The following BANF2 variants were observed in gnomAD, a reference collection of about 807,000 sequenced individuals.
BANF2 encodes barrier-to-autointegration factor-like protein.
A neutral mutation model predicts 8.0 loss-of-function variants in BANF2; 4 were observed. That is an observed-to-expected ratio of 0.50 (90% CI 0.25 to 1.14). The LOEUF is 1.14. Ranked by LOEUF, BANF2 falls within the 50% of genes most tolerant of loss-of-function variation. BANF2 has a pLI of 0.16. For synonymous variants in BANF2, 50 were observed against 40.6 expected (o/e 1.23, Z -0.88); for missense variants, 96 against 107.5 (o/e 0.89, Z 0.47).
intron 1 of BANF2, among the ~76,000 whole-genome samples, chr20:17,718,126 T>A (rs1456638301): frequency 6.6e-6 from 1 of 152,206 alleles, no homozygotes; most frequent in East Asian, 1.9e-4. Flanking sequence ...AAATATTGCA[T>A]TTTTCCCATT....
intron 1 of BANF2, among the ~76,000 whole-genome samples, chr20:17,719,484 A>T (rs1023153403): frequency 6.6e-6 from 1 of 151,736 alleles, no homozygotes; most frequent in Non-Finnish European, 1.5e-5. Context: ...TGGTTTTCTT[A>T]TGGGAGAAAT....
intron 1 of BANF2, among the ~76,000 whole-genome samples, chr20:17,715,166 G>A (rs1052514720): frequency 2.6e-5 from 4 of 152,178 alleles, no homozygotes; most frequent in African/African-American, 9.7e-5. Flanking sequence ...GGAGTTAACA[G>A]GAACCTCCAG....
chr20:17,696,443 A>C (rs2037346688), upstream of BANF2, among the ~76,000 whole-genome samples: 1 of 152,206 alleles, frequency 6.6e-6, no homozygotes, highest in East Asian at 1.9e-4. Context: ...ATTATGTGAG[A>C]GTTCCAGTTG....
rs190136673 is a variant in BANF2, at chr20:17,735,271, C to G, written c.127-394C>G. On this transcript the variant is annotated intron_variant, in intron 3 of 3. Coordinates refer to ENST00000246090, the MANE Select transcript of BANF2 (RefSeq NM_178477.5). ...GGAGCTTCAGGAGTGTGCTAGGCCC[C>G]GGCTACTCAAACTGTTGTCCCTGGA... 8.5e-5 allele frequency among the ~76,000 whole-genome samples: 13 copies of G among 152,222 alleles called. No individual in the cohort carries two copies. In the East Asian group the frequency reaches 2.3e-3, roughly 27 times the overall value.
At position 17,732,480 on chromosome 20, in the gene BANF2, C is replaced by T. The variant is rs568019914; in HGVS notation, c.127-3185C>T. ...TCCTGGGTTCTCCTGCCTCAGCCTCCCAAGTAGCTGGGATTACACGCGGCT... is the reference window on the plus strand; with the variant it reads ...TCCTGGGTTCTCCTGCCTCAGCCTCTCAAGTAGCTGGGATTACACGCGGCT... On this transcript the variant is annotated intron_variant, in intron 3 of 3. Coordinates refer to ENST00000246090, the MANE Select transcript of BANF2 (RefSeq NM_178477.5). 7.2e-5 allele frequency among the ~76,000 whole-genome samples: 11 copies of T among 152,354 alleles called. No homozygotes were observed. In the East Asian group the frequency reaches 2.1e-3, roughly 29 times the overall value.
Position 17,709,453 on chromosome 20 carries a change from A to G in BANF2, c.-167+9398A>G, listed in dbSNP as rs771915395. Among the ~76,000 whole-genome samples, 5 of 152,232 alleles carry G rather than the reference A, an allele frequency of 3.3e-5. No individual in the cohort carries two copies. In the East Asian group the frequency reaches 5.8e-4, roughly 18 times the overall value. On this transcript the variant is annotated intron_variant, in intron 1 of 3. Coordinates refer to ENST00000246090, the MANE Select transcript of BANF2 (RefSeq NM_178477.5). ...CCAGCAAAGAACAGGAGGTGAATACATGGCACGTGGGCCTTCGATATCCTA... is the reference window on the plus strand; with the variant it reads ...CCAGCAAAGAACAGGAGGTGAATACGTGGCACGTGGGCCTTCGATATCCTA...
chr20:17,706,124 G>C (rs4814637), intron 1 of BANF2, among the ~76,000 whole-genome samples: 3 of 152,198 alleles, frequency 2.0e-5, no homozygotes, highest in African/African-American at 4.8e-5. Flanking sequence ...GGGCTTGAAG[G>C]TTGGCCAAAT....
chr20:17,724,028 G>A (rs2037767824), intron 2 of BANF2, among the ~76,000 whole-genome samples: 1 of 152,080 alleles, frequency 6.6e-6, no homozygotes. Flanking sequence ...CTGGAAGATG[G>A]CAACCCTCAT....
intron 1 of BANF2, among the ~76,000 whole-genome samples, chr20:17,717,267 C>G (rs772539305): frequency 6.6e-6 from 1 of 152,008 alleles, no homozygotes; most frequent in Non-Finnish European, 1.5e-5. Context: ...TCATTCTCAC[C>G]CTCATGCTCT....
At chr20:17,713,843 AAAATAAATAAAT>A (rs553290411) in intron 1 of BANF2, among the ~76,000 whole-genome samples, 1 of 151,944 alleles carries the variant, frequency 6.6e-6, no homozygotes, top group African/African-American at 2.4e-5. Context: ...TCAAAAATAA[AAAATAAATAAAT>A]AAATAAATAA....
intron 1 of BANF2, among the ~76,000 whole-genome samples, chr20:17,713,854 A>G (rs1175073229): frequency 6.6e-6 from 1 of 151,990 alleles, no homozygotes; most frequent in Non-Finnish European, 1.5e-5. Flanking sequence ...AAATAAATAA[A>G]TAAATAAATA....
At chr20:17,703,418 C>A (rs2037437665) in intron 1 of BANF2, among the ~76,000 whole-genome samples, 3 of 152,252 alleles carry the variant, frequency 2.0e-5, no homozygotes. Flanking sequence ...TGTGAACATT[C>A]TGCAGGACAG....
chr20:17,708,767 T>G (rs1325888231), intron 1 of BANF2, among the ~76,000 whole-genome samples: 2 of 152,194 alleles, frequency 1.3e-5, no homozygotes, highest in Non-Finnish European at 2.9e-5. Flanking sequence ...AACCGAGATC[T>G]TTTTTCCAGC....
At chr20:17,714,223 G>GAA (rs2037619536) in intron 1 of BANF2, among the ~76,000 whole-genome samples, 2 of 138,812 alleles carry the variant, frequency 1.4e-5, no homozygotes, top group Non-Finnish European at 3.1e-5. Flanking sequence ...AAGAAAGAAA[G>GAA]AAAGAAAAAG....
intron 1 of BANF2, among the ~76,000 whole-genome samples, chr20:17,708,815 C>T (rs2037525886): frequency 6.6e-6 from 1 of 152,096 alleles, no homozygotes; most frequent in East Asian, 1.9e-4. Context: ...TGAAACTGAC[C>T]CTTAGTAGAG....
chr20:17,729,114 G>C (rs6080802), intron 3 of BANF2, among the ~76,000 whole-genome samples: 2 of 152,072 alleles, frequency 1.3e-5, no homozygotes, highest in Admixed American at 6.5e-5. Flanking sequence ...AGATGTAAGG[G>C]CGAAAGAGCC....
chr20:17,704,793 T>C (rs1220491131), intron 1 of BANF2, among the ~76,000 whole-genome samples: 1 of 152,204 alleles, frequency 6.6e-6, no homozygotes, highest in Non-Finnish European at 1.5e-5. Flanking sequence ...ACTGGCTGTA[T>C]CTAGGCCCTC....
intron 1 of BANF2, among the ~76,000 whole-genome samples, chr20:17,719,030 G>T (rs949675236): frequency 1.3e-5 from 2 of 152,210 alleles, no homozygotes; most frequent in African/African-American, 4.8e-5. Flanking sequence ...CTCGCCCGGG[G>T]TTACAAGAGG....
intron 3 of BANF2, among the ~76,000 whole-genome samples, chr20:17,726,807 T>A (rs934875070): frequency 6.6e-6 from 1 of 152,250 alleles, no homozygotes; most frequent in Non-Finnish European, 1.5e-5. Flanking sequence ...TACTCATTAT[T>A]TTAAAAATGT....
Sources: gnomAD v4.1 joint callset for allele counts (sites outside exome capture counted in the v4.1 genomes callset) on GRCh38, gnomAD v4.1.1 for gene constraint, MANE v1.5 for transcripts, NCBI Gene and HGNC (gene_info 2026-07-23, HGNC 2026-07-21) for gene names.